HMGA2: variants seen among roughly 807,000 people sequenced by gnomAD.
HMGA2 encodes high mobility group AT-hook 2.
In HMGA2, 8 loss-of-function variants were observed where a neutral mutation model predicts 19.1. That is an observed-to-expected ratio of 0.42 (90% confidence interval 0.25 to 0.76). The LOEUF (loss-of-function observed/expected upper bound fraction) is 0.76. HMGA2 is among the 30% of genes least tolerant of loss of function. The pLI, the probability that HMGA2 is intolerant of heterozygous loss-of-function variation, is 0.28. For synonymous variants in HMGA2, 60 were observed against 48.8 expected (o/e 1.23, Z -0.96); for missense variants, 109 against 136.3 (o/e 0.80, Z 1.00).
At chr12:65,942,406 T>A (rs577392797) in intron 3 of HMGA2, among the ~76,000 whole-genome samples, 1 of 152,180 alleles carries the variant, frequency 6.6e-6, no homozygotes, top group African/African-American at 2.4e-5. Flanking sequence ...TTAAAAAATA[T>A]GTATATATGT....
intron 3 of HMGA2, among the ~76,000 whole-genome samples, chr12:65,917,757 CCTTA>C (rs1232210395): frequency 6.6e-6 from 1 of 152,132 alleles, no homozygotes; most frequent in East Asian, 1.9e-4. Flanking sequence ...TGGGTTTGGC[CCTTA>C]CTTTGCTCGT....
chr12:65,964,642 T>G lies in HMGA2; in HGVS notation c.*1350T>G, dbSNP rs1262849005. The G allele has an allele frequency of 4.7e-6, 1 of 211,636 alleles. No homozygotes were observed. The highest frequency in any genetic ancestry group is 2.3e-5 in the African/African-American group (1 of 44,166). 13.1% of individuals were successfully genotyped at this position (211,636 alleles called of 1,614,324 possible). On this transcript the variant is annotated 3_prime_UTR_variant, in exon 5 of 5. Coordinates refer to ENST00000403681, the MANE Select transcript of HMGA2 (RefSeq NM_003483.6). ...AGAAAAAAACTTACTGGGTAGGTGATTCTAATCATCTGCAGTTCTTTTTGT... is the reference window on the plus strand; with the variant it reads ...AGAAAAAAACTTACTGGGTAGGTGAGTCTAATCATCTGCAGTTCTTTTTGT...
At chr12:65,896,878 T>A (rs569556481) in intron 3 of HMGA2, among the ~76,000 whole-genome samples, 2 of 152,204 alleles carry the variant, frequency 1.3e-5, no homozygotes, top group Non-Finnish European at 2.9e-5. Context: ...GGGGAATAAA[T>A]ACTTAACACA....
At chr12:65,906,707 A>G (rs1874606406) in intron 3 of HMGA2, among the ~76,000 whole-genome samples, 1 of 152,226 alleles carries the variant, frequency 6.6e-6, no homozygotes, top group African/African-American at 2.4e-5. Flanking sequence ...GGAAAGAAAC[A>G]GGGCATTAGA....
chr12:65,884,316 T>A (rs903130214), intron 3 of HMGA2, among the ~76,000 whole-genome samples: 1 of 152,206 alleles, frequency 6.6e-6, no homozygotes, highest in Admixed American at 6.5e-5. Context: ...AGATTAGAGA[T>A]GCTGAAGAGG....
intron 3 of HMGA2, chr12:65,866,943 C>T: frequency 2.2e-6 from 1 of 456,878 alleles, no homozygotes; most frequent in South Asian, 1.5e-5. Context: ...CATGTGCCTT[C>T]CCATCTTGAC....
intron 2 of HMGA2, 184 bp downstream of exon 2, chr12:65,828,271 A>T: frequency 1.7e-6 from 1 of 578,620 alleles, no homozygotes; most frequent in Non-Finnish European, 3.1e-6. Flanking sequence ...GATGCTCAGC[A>T]TAAAAAGTTT....
chr12:65,947,926 T>C (rs1314052598), intron 3 of HMGA2, among the ~76,000 whole-genome samples: 7 of 152,226 alleles, frequency 4.6e-5, no homozygotes, highest in Non-Finnish European at 1.0e-4. Flanking sequence ...AATCTGGAGA[T>C]GAAAATCAAA....
intron 3 of HMGA2, among the ~76,000 whole-genome samples, chr12:65,866,037 A>T (rs895768022): frequency 7.9e-5 from 12 of 152,228 alleles, no homozygotes; most frequent in African/African-American, 2.7e-4. Flanking sequence ...TAGCAAGTGT[A>T]TAACTATAAT....
chr12:65,947,187 A>G (rs916840255), intron 3 of HMGA2, among the ~76,000 whole-genome samples: 1 of 151,588 alleles, frequency 6.6e-6, no homozygotes, highest in African/African-American at 2.4e-5. Flanking sequence ...TGGTGTGATC[A>G]TAGCTTACTG....
intron 3 of HMGA2, among the ~76,000 whole-genome samples, chr12:65,868,740 CTCTT>C (rs1872562771): frequency 1.3e-5 from 2 of 152,298 alleles, no homozygotes; most frequent in South Asian, 4.1e-4. Flanking sequence ...TTCTACCTAA[CTCTT>C]TCATTTAAAC....
intron 3 of HMGA2, chr12:65,842,604 T>C (rs1244320480): frequency 2.0e-6 from 3 of 1,535,296 alleles, no homozygotes; most frequent in African/African-American, 1.4e-5. Context: ...GAGTTTTACA[T>C]TGCAGCTTAG....
chr12:65,855,254 C>T (rs942206755), intron 3 of HMGA2, among the ~76,000 whole-genome samples: 8 of 152,082 alleles, frequency 5.3e-5, no homozygotes, highest in Non-Finnish European at 1.2e-4. Context: ...AGAAAACTGT[C>T]CTGTTAATTG....
chr12:65,848,639 G>A (rs1871326269), intron 3 of HMGA2, among the ~76,000 whole-genome samples: 1 of 152,148 alleles, frequency 6.6e-6, no homozygotes, highest in African/African-American at 2.4e-5. Context: ...GGTGGATCAT[G>A]AGGTCAGGAG....
intron 4 of HMGA2, chr12:65,955,383 A>T (rs1227536059): frequency 6.6e-6 from 1 of 152,142 alleles, no homozygotes; most frequent in Non-Finnish European, 1.5e-5. Context: ...TTTTACTTTG[A>T]TAAAAATAAG....
At chr12:65,893,369 G>A (rs554678693) in intron 3 of HMGA2, among the ~76,000 whole-genome samples, 8 of 152,170 alleles carry the variant, frequency 5.3e-5, no homozygotes, top group East Asian at 1.9e-4. Flanking sequence ...GGATACATGC[G>A]AAAAGAACAA....
chr12:65,951,381 A>C lies in HMGA2; in HGVS notation c.250-2A>C. 6.6e-7 allele frequency: 1 copy of C among 1,519,002 alleles called. No homozygotes were observed. The highest frequency in any genetic ancestry group is 8.9e-7 in the Non-Finnish European group (1 of 1,124,934). 94.1% of individuals were successfully genotyped at this position (1,519,002 alleles called of 1,614,324 possible). A position where few individuals can be genotyped will look rare whatever the true frequency, so the allele number is the denominator to read the frequency against. ...AATATATCTTTTTCTTTTCCTCCTT[A>C]GCCACAACAAGTTGTTCAGAAGAAG... On this transcript the variant is annotated splice_acceptor_variant, in intron 3 of 4. Coordinates refer to ENST00000403681, the MANE Select transcript of HMGA2 (RefSeq NM_003483.6). LOFTEE classifies it high-confidence loss of function.
At chr12:65,846,170 T>C (rs946785841) in intron 3 of HMGA2, among the ~76,000 whole-genome samples, 3 of 152,242 alleles carry the variant, frequency 2.0e-5, no homozygotes, top group Admixed American at 6.5e-5. Flanking sequence ...TTTCATTCAT[T>C]ATTTTTTCAT....
At chr12:65,929,399 A>G (rs1165721031) in intron 3 of HMGA2, among the ~76,000 whole-genome samples, 1 of 152,020 alleles carries the variant, frequency 6.6e-6, no homozygotes, top group Non-Finnish European at 1.5e-5. Context: ...TGTTTTAAAA[A>G]ATTGAAAAAA....
Sources: gnomAD v4.1 joint callset for allele counts (sites outside exome capture counted in the v4.1 genomes callset) on GRCh38, gnomAD v4.1.1 for gene constraint, MANE v1.5 for transcripts, NCBI Gene and HGNC (gene_info 2026-07-23, HGNC 2026-07-21) for gene names.